The following AGK variants were observed in gnomAD, a reference collection of about 807,000 sequenced individuals.
The protein encoded by AGK is acylglycerol kinase, also known as acylglycerol kinase, mitochondrial.
Under a neutral mutation model 66.4 loss-of-function variants are expected in AGK, and 52 were observed. The observed-to-expected ratio is 0.78, with a 90% CI of 0.63 to 0.99. The LOEUF (loss-of-function observed/expected upper bound fraction) is 0.99, where lower values mean the gene tolerates loss of function less well. AGK is among the 50% of genes least tolerant of loss of function. The pLI, the probability that AGK is intolerant of heterozygous loss-of-function variation, is 0.00. For missense variants in AGK, 451 were observed against 506.6 expected (o/e 0.89, Z 1.05); for synonymous variants, 182 against 181.1 (o/e 1.00, Z -0.04).
At chr7:141,649,212 G>A in intron 13 of AGK, 51 bp from the exon 14 acceptor site, 1 of 1,272,832 alleles carries the variant, frequency 7.9e-7, no homozygotes, top group Non-Finnish European at 1.1e-6. Flanking sequence ...ACAACAGGCT[G>A]CATTAGCCAA....
intron 5 of AGK, among the ~76,000 whole-genome samples, chr7:141,603,753 G>A (rs963642297): frequency 2.6e-5 from 4 of 152,102 alleles, no homozygotes; most frequent in Non-Finnish European, 4.4e-5. Context: ...CTTTACTCAC[G>A]TCTCCAAGTT....
At chr7:141,627,481 T>G (rs1796964109) in intron 9 of AGK, among the ~76,000 whole-genome samples, 1 of 152,188 alleles carries the variant, frequency 6.6e-6, no homozygotes, top group Non-Finnish European at 1.5e-5. Flanking sequence ...ATTCCAAAGT[T>G]CAATCCCAAA....
chr7:141,644,582 G>C (rs1339478785), intron 13 of AGK, among the ~76,000 whole-genome samples: 1 of 152,134 alleles, frequency 6.6e-6, no homozygotes, highest in Non-Finnish European at 1.5e-5. Flanking sequence ...CTGTATAATA[G>C]TAAAATATTT....
At chr7:141,573,946 CT>C (rs202205979) in intron 2 of AGK, among the ~76,000 whole-genome samples, 5 of 150,822 alleles carry the variant, frequency 3.3e-5, no homozygotes, top group Non-Finnish European at 5.9e-5. Flanking sequence ...ATTTACTCTC[CT>C]TTTTTTTTAA....
chr7:141,581,135 T>C (rs190552340), intron 2 of AGK, among the ~76,000 whole-genome samples: 1 of 151,968 alleles, frequency 6.6e-6, no homozygotes, highest in African/African-American at 2.4e-5. Flanking sequence ...TATGCCGATA[T>C]ACGTAACAGA....
At chr7:141,576,890 A>T (rs1795752495) in intron 2 of AGK, among the ~76,000 whole-genome samples, 1 of 151,918 alleles carries the variant, frequency 6.6e-6, no homozygotes, top group Non-Finnish European at 1.5e-5. Context: ...ATACAAAAAA[A>T]TTAGCTGGGT....
chr7:141,652,720 G>C, intron 15 of AGK, 67 bp from the exon 16 acceptor site: 1 of 1,540,086 alleles, frequency 6.5e-7, no homozygotes. Flanking sequence ...TGGTGCTGCT[G>C]TGAGACCTCC....
chr7:141,628,776 G>A (rs1043858157), intron 9 of AGK, among the ~76,000 whole-genome samples: 17 of 152,116 alleles, frequency 1.1e-4, no homozygotes, highest in Admixed American at 1.0e-3. Context: ...ATAGTCTGTT[G>A]GTTTTTCCAC....
At chr7:141,591,197 A>AT (rs1167181620) in intron 2 of AGK, among the ~76,000 whole-genome samples, 1 of 144,660 alleles carries the variant, frequency 6.9e-6, no homozygotes, top group Non-Finnish European at 1.5e-5. Context: ...GGTTCAGGCA[A>AT]TTCTCCTGCC....
At chr7:141,631,284 A>T (rs1431628676) in intron 9 of AGK, among the ~76,000 whole-genome samples, 2 of 152,138 alleles carry the variant, frequency 1.3e-5, no homozygotes, top group Non-Finnish European at 2.9e-5. Context: ...TAAGCAAAAG[A>T]TGACCCTGTT....
intron 2 of AGK, among the ~76,000 whole-genome samples, chr7:141,569,972 T>C (rs1795564148): frequency 6.6e-6 from 1 of 152,236 alleles, no homozygotes; most frequent in Non-Finnish European, 1.5e-5. Context: ...CCTTTGCCAC[T>C]TTCTGGATGT....
chr7:141,654,934 A>G lies in AGK; in HGVS notation c.*2010A>G, dbSNP rs550600706. On this transcript the variant is annotated 3_prime_UTR_variant, in exon 16 of 16. Coordinates refer to ENST00000649286, the MANE Select transcript of AGK (RefSeq NM_018238.4). ...TAAAATTTCTGCTTTTGGCAAAAAC[A>G]TAACAGACGGTTCCAAACATCAGCA... 1.1e-3 allele frequency: 168 copies of G among 152,370 alleles called. 1 individual carries two copies. The highest frequency in any genetic ancestry group is 4.0e-3 in the African/African-American group (166 of 41,580). 9.4% of individuals were successfully genotyped at this position (152,370 alleles called of 1,614,324 possible).
At chr7:141,585,364 A>G (rs1184360276) in intron 2 of AGK, among the ~76,000 whole-genome samples, 3 of 152,074 alleles carry the variant, frequency 2.0e-5, no homozygotes, top group Non-Finnish European at 4.4e-5. Flanking sequence ...TTTAAGATTC[A>G]TTTTTGTCTT....
In AGK at chr7:141,654,480, A is replaced by ATTCT. The variant is rs1797642160; in HGVS notation, c.*1557_*1558insTCTT. 6.6e-6 allele frequency: 1 copy of ATTCT among 152,258 alleles called. No individual in the cohort carries two copies. The highest frequency in any genetic ancestry group is 2.1e-4 in the South Asian group (1 of 4,832). 9.4% of individuals were successfully genotyped at this position (152,258 alleles called of 1,614,324 possible). A position where few individuals can be genotyped will look rare whatever the true frequency, so the allele number is the denominator to read the frequency against. On this transcript the variant is annotated 3_prime_UTR_variant, in exon 16 of 16. Coordinates refer to ENST00000649286, the MANE Select transcript of AGK (RefSeq NM_018238.4). The stretch of plus-strand genomic sequence containing the variant: ...AGTGCTCTATCATCAAGAATTATTA[A>ATTCT]TGATGATCTATCAACTAACAAACAA...
intron 9 of AGK, among the ~76,000 whole-genome samples, chr7:141,624,736 G>A (rs142193780): frequency 3.7e-4 from 57 of 152,318 alleles, no homozygotes; most frequent in Middle Eastern, 3.4e-3. Flanking sequence ...TAATCCTGGT[G>A]AGGATGCCGT....
chr7:141,618,893 T>A (rs1334757249), intron 8 of AGK, among the ~76,000 whole-genome samples: 3 of 152,178 alleles, frequency 2.0e-5, no homozygotes, highest in Admixed American at 6.5e-5. Flanking sequence ...AATTACCGTA[T>A]TTATTTTTCC....
intron 2 of AGK, among the ~76,000 whole-genome samples, chr7:141,590,469 G>A (rs1377832567): frequency 2.0e-5 from 3 of 152,022 alleles, no homozygotes; most frequent in Non-Finnish European, 4.4e-5. Context: ...AGCACAGTCC[G>A]GAGAGGCTGG....
At chr7:141,559,749 A>G (rs1281361099) in intron 2 of AGK, among the ~76,000 whole-genome samples, 1 of 151,680 alleles carries the variant, frequency 6.6e-6, no homozygotes, top group East Asian at 1.9e-4. Flanking sequence ...TTTTTATTGT[A>G]CTCTTTAATT....
At chr7:141,648,814 C>A (rs1797478265) in intron 13 of AGK, among the ~76,000 whole-genome samples, 1 of 152,138 alleles carries the variant, frequency 6.6e-6, no homozygotes, top group Non-Finnish European at 1.5e-5. Flanking sequence ...GTATGTAGAG[C>A]ATTAAAGAAG....
Sources: gnomAD v4.1 joint callset for allele counts (sites outside exome capture counted in the v4.1 genomes callset) on GRCh38, gnomAD v4.1.1 for gene constraint, MANE v1.5 for transcripts, NCBI Gene and HGNC (gene_info 2026-07-23, HGNC 2026-07-21) for gene names.